The following ANKRD12 variants were observed in gnomAD, a reference collection of about 807,000 sequenced individuals.
ANKRD12 encodes ankyrin repeat domain-containing protein 12.
Under a neutral mutation model 183.4 loss-of-function variants are expected in ANKRD12, and 85 were observed. That is an observed-to-expected ratio of 0.46 (90% CI 0.39 to 0.56). The LOEUF (loss-of-function observed/expected upper bound fraction) is 0.56, where lower values mean the gene tolerates loss of function less well. Among genes scored for constraint, ANKRD12 ranks in the 20% least tolerant of loss-of-function variants. ANKRD12 has a pLI of 0.00. For missense variants in ANKRD12, 2,405 were observed against 2,357.1 expected, an observed-to-expected ratio of 1.02 and a Z score of -0.42; for synonymous variants, 914 against 800.2, an observed-to-expected ratio of 1.14 and a Z score of -2.40.
intron 12 of ANKRD12, among the ~76,000 whole-genome samples, chr18:9,280,509 C>G (rs2040061393): frequency 6.6e-6 from 1 of 152,122 alleles, no homozygotes; most frequent in Non-Finnish European, 1.5e-5. Flanking sequence ...GACTTGTAGG[C>G]CGGGTGTGGC....
Position 9,255,894 on chromosome 18 carries a change from A to G in ANKRD12, c.2627A>G (p.His876Arg). The G allele has an allele frequency of 6.3e-7, 1 of 1,596,058 alleles. No individual in the cohort carries two copies. Among genetic ancestry groups the G allele is most frequent in the African/African-American group, 1.4e-5 (1 of 73,836 alleles). Residue 876 changes from histidine to arginine, a missense_variant, in exon 9 of 13, where the codon CAT becomes CGT. His to Arg is a conservative substitution (Grantham distance 29). Coordinates refer to ENST00000262126, the MANE Select transcript of ANKRD12 (RefSeq NM_015208.5). ...AAAGAAAAGGACAAGCTATATTCGCATCACACAGAAAAATGCCATAAAGAA... is the reference window on the plus strand; with the variant it reads ...AAAGAAAAGGACAAGCTATATTCGCGTCACACAGAAAAATGCCATAAAGAA... ...KIKEKDKLYS[H>R]HTEKCHKEGE...
chr18:9,280,788 C>CA lies in ANKRD12; in HGVS notation c.6004-143dup, dbSNP rs879456606. On this transcript the variant is annotated intron_variant, in intron 12 of 12. Coordinates refer to ENST00000262126, the MANE Select transcript of ANKRD12 (RefSeq NM_015208.5). ...TGGGAGACAGAGCAAGACTCTGTCT[C>CA]AAAAAAAAAAGAAAGAAATGGACTT... Among the ~76,000 whole-genome samples, 956 of 142,568 alleles carry CA rather than the reference C, an allele frequency of 6.7e-3. 10 individuals carry two copies. The highest frequency in any genetic ancestry group is 0.023 in the African/African-American group (886 of 38,806). 93.5% of individuals were successfully genotyped at this position (142,568 alleles called of 152,430 possible). A position where few individuals can be genotyped will look rare whatever the true frequency, so the allele number is the denominator to read the frequency against.
chr18:9,275,538 A>G lies in ANKRD12; in HGVS notation c.5778A>G (p.Val1926=). 6.2e-7 allele frequency: 1 copy of G among 1,603,734 alleles called. No homozygotes were observed. Among genetic ancestry groups the G allele is most frequent in the Non-Finnish European group, 8.5e-7 (1 of 1,175,252 alleles). ...TATTCAACTAGGAAAAACTCATTGT[A>G]TCCAACGAACAAGAAGTTTTGCGAG... is the stretch of plus-strand genomic sequence containing the variant. The part of the protein sequence containing the change: ...QHSIEREKLI[V]SNEQEVLRVH... The change falls in exon 11 of 13, where the codon GTA becomes GTG. Residue 1926 remains valine (V), a synonymous_variant. Coordinates refer to ENST00000262126, the MANE Select transcript of ANKRD12 (RefSeq NM_015208.5).
rs914941622 is a variant in ANKRD12, at chr18:9,254,694, T to C, written c.1427T>C (p.Leu476Ser). ...CAGAAAGGCAAAGTTAAAAGAAAAT[T>C]GAAAAATCAGAATAAAAATAAAGAG... ...HKQKGKVKRK[L>S]KNQNKNKENQ... The change falls in exon 9 of 13, where the codon TTG becomes TCG. Residue 476 changes from leucine (L) to serine (S), a missense_variant. Leu to Ser is a moderately radical substitution (Grantham distance 145). Coordinates refer to ENST00000262126, the MANE Select transcript of ANKRD12 (RefSeq NM_015208.5). 6.6e-7 allele frequency: 1 copy of C among 1,514,790 alleles called. No individual in the cohort carries two copies. Among genetic ancestry groups the C allele is most frequent in the Non-Finnish European group, 8.8e-7 (1 of 1,133,406 alleles). The allele number at this position is 1,514,790 out of a possible 1,614,324, so 93.8% of individuals were successfully genotyped here.
chr18:9,275,500 T>A, intron 10 of ANKRD12, 24 bp from the exon 11 acceptor site: 1 of 1,591,656 alleles, frequency 6.3e-7, no homozygotes, highest in Non-Finnish European at 8.6e-7. Flanking sequence ...GAATTTATTT[T>A]TTTTTAATTC....
chr18:9,239,111 T>G (rs2037512241), intron 8 of ANKRD12, among the ~76,000 whole-genome samples: 1 of 152,112 alleles, frequency 6.6e-6, no homozygotes, highest in Admixed American at 6.5e-5. Flanking sequence ...GACAACAGAG[T>G]GAGACCCTGT....
At chr18:9,199,408 A>G (rs1397806765) in intron 3 of ANKRD12, among the ~76,000 whole-genome samples, 2 of 152,236 alleles carry the variant, frequency 1.3e-5, no homozygotes, top group African/African-American at 2.4e-5. Context: ...CACATGATGT[A>G]TATTAACACA....
At chr18:9,239,948 A>G (rs2037564240) in intron 8 of ANKRD12, among the ~76,000 whole-genome samples, 1 of 152,180 alleles carries the variant, frequency 6.6e-6, no homozygotes, top group African/African-American at 2.4e-5. Flanking sequence ...CCTTTCCATT[A>G]ACTGTTTGTT....
intron 4 of ANKRD12, 140 bp from the exon 5 acceptor site, chr18:9,208,517 T>C: frequency 1.8e-6 from 1 of 550,574 alleles, no homozygotes; most frequent in Non-Finnish European, 2.9e-6. Flanking sequence ...CCCATTGTGC[T>C]TTTGTCTGGC....
intron 10 of ANKRD12, 104 bp downstream of exon 10, chr18:9,263,992 C>T: frequency 9.6e-7 from 1 of 1,043,690 alleles, no homozygotes; most frequent in Non-Finnish European, 1.3e-6. Context: ...AAATTTAGAA[C>T]CATTTTGAGA....
intron 8 of ANKRD12, among the ~76,000 whole-genome samples, chr18:9,248,064 A>G (rs1003884396): frequency 4.6e-5 from 7 of 152,252 alleles, no homozygotes; most frequent in African/African-American, 1.7e-4. Context: ...CTGGGATTAC[A>G]GGCATGAGCC....
chr18:9,257,348 A>G lies in ANKRD12; in HGVS notation c.4081A>G (p.Asn1361Asp), dbSNP rs371458043. 14 of 1,614,140 alleles carry G rather than the reference A, an allele frequency of 8.7e-6. No individual in the cohort carries two copies. Among genetic ancestry groups the G allele is most frequent in the Middle Eastern group, 1.6e-4 (1 of 6,062 alleles). Residue 1361 changes from asparagine (N) to aspartate (D), a missense_variant, in exon 9 of 13, where the codon AAT becomes GAT. This residue lies in a region of ANKRD12 where 1,983 missense variants were observed against 1,725.9 expected (regional missense o/e 1.15). Coordinates refer to ENST00000262126, the MANE Select transcript of ANKRD12 (RefSeq NM_015208.5). ...AAATGTGCCTGAAAGAGACCTTTCAAATGTATCTAACATACATTCCAGTTT... is the reference window on the plus strand; with the variant it reads ...AAATGTGCCTGAAAGAGACCTTTCAGATGTATCTAACATACATTCCAGTTT... ...FSNVPERDLS[N>D]VSNIHSSFAT...
At chr18:9,274,280 C>G (rs187407076) in intron 10 of ANKRD12, among the ~76,000 whole-genome samples, 10 of 152,298 alleles carry the variant, frequency 6.6e-5, no homozygotes, top group Non-Finnish European at 1.3e-4. Flanking sequence ...TTTCTGCCAC[C>G]CTTCAAGCCC....
chr18:9,229,017 C>G (rs923087426), intron 8 of ANKRD12, among the ~76,000 whole-genome samples: 1 of 152,030 alleles, frequency 6.6e-6, no homozygotes. Flanking sequence ...CAGTTTCATT[C>G]TTCTGCATAT....
intron 10 of ANKRD12, among the ~76,000 whole-genome samples, chr18:9,274,670 C>G (rs1443297853): frequency 2.0e-5 from 3 of 152,010 alleles, no homozygotes; most frequent in African/African-American, 4.8e-5. Context: ...TTTTATACCA[C>G]CATACTTGGA....
intron 8 of ANKRD12, among the ~76,000 whole-genome samples, chr18:9,228,277 A>G (rs568160573): frequency 9.2e-5 from 14 of 152,290 alleles, no homozygotes; most frequent in African/African-American, 3.1e-4. Flanking sequence ...GAACAGAGCT[A>G]CAATAAACTT....
intron 1 of ANKRD12, among the ~76,000 whole-genome samples, chr18:9,149,930 G>A (rs1036828423): frequency 1.3e-5 from 2 of 151,686 alleles, no homozygotes; most frequent in South Asian, 4.2e-4. Context: ...TGAGTAGCTG[G>A]GACTACAGGC....
At chr18:9,279,098 GAGAAAGA>G (rs1568011339) in intron 11 of ANKRD12, among the ~76,000 whole-genome samples, 2 of 958 alleles carry the variant, frequency 2.1e-3, no homozygotes, top group East Asian at 0.031. Context: ...ATTTCTTCAT[GAGAAAGA>G]ATTTCTTCAT....
intron 3 of ANKRD12, among the ~76,000 whole-genome samples, chr18:9,203,386 T>C (rs2035288649): frequency 6.6e-6 from 1 of 152,204 alleles, no homozygotes; most frequent in Non-Finnish European, 1.5e-5. Context: ...TCATGAATAC[T>C]GTGTAACAGT....
Sources: allele counts gnomAD v4.1 joint callset (sites outside exome capture counted in the v4.1 genomes callset), GRCh38; gene constraint gnomAD v4.1.1; regional missense constraint gnomAD v4.1.1; transcripts MANE v1.5; gene names NCBI Gene and HGNC (gene_info 2026-07-23, HGNC 2026-07-21).